Variants in BAIAP2L1 observed in about 807,000 individuals in gnomAD.
BAIAP2L1 encodes BAR/IMD domain-containing adapter protein 2-like 1.
Under a neutral mutation model 66.3 loss-of-function variants are expected in BAIAP2L1, and 35 were observed. That is an observed-to-expected ratio of 0.53 (90% CI 0.40 to 0.70). BAIAP2L1 has a LOEUF of 0.70. Ranked by LOEUF, BAIAP2L1 falls within the 30% of genes least tolerant of loss-of-function variation. The pLI is 0.00. For synonymous variants in BAIAP2L1, 269 were observed against 248.7 expected, an observed-to-expected ratio of 1.08 and a Z score of -0.77; for missense variants, 622 against 656.9, an observed-to-expected ratio of 0.95 and a Z score of 0.58.
Position 98,380,030 on chromosome 7 carries a change from G to A in BAIAP2L1, c.52-17598C>T, listed in dbSNP as rs544162115. Among the ~76,000 whole-genome samples the A allele has an allele frequency of 8.6e-5, 13 of 151,630 alleles. No individual in the cohort carries two copies. The South Asian group carries it at 2.1e-3, about 24-fold the overall frequency. On this transcript the variant is annotated intron_variant, in intron 1 of 13. Transcript: ENST00000005260. ...TTTACTAACAACCATTAAATTGTAC[G>A]CTTAAAATGCGTGAATTTTATAACG...
Position 98,315,484 on chromosome 7 carries a change from GT to G in BAIAP2L1, c.614del (p.Asn205ThrfsTer14). 2.0e-6 allele frequency: 3 copies of G among 1,500,576 alleles called. No individual in the cohort carries two copies. Among genetic ancestry groups the G allele is most frequent in the Non-Finnish European group, 2.7e-6 (3 of 1,119,790 alleles). 93.0% of individuals were successfully genotyped at this position (1,500,576 alleles called of 1,614,324 possible). On this transcript the variant is annotated frameshift_variant, in exon 7 of 14. Transcript: ENST00000005260. LOFTEE classifies it high-confidence loss of function. ...CCTGTAAGTGATAATAATGTATGTG[GT>G]TTGCAAAGCCACAGTGCTTATCAAC... ...FLVDKHCGFANHIHYYHLQSA... is the reference protein window; with the variant it reads ...FLVDKHCGFAXHIHYYHLQSA...
chr7:98,393,468 ACCTT>A (rs763005074), intron 1 of BAIAP2L1, among the ~76,000 whole-genome samples: 28 of 151,926 alleles, frequency 1.8e-4, no homozygotes, highest in Middle Eastern at 3.2e-3. Context: ...TAATGAAAAT[ACCTT>A]CCTTTTCTTT....
At chr7:98,351,355 G>A (rs770658649) in intron 3 of BAIAP2L1, among the ~76,000 whole-genome samples, 50 of 152,144 alleles carry the variant, frequency 3.3e-4, no homozygotes, top group Non-Finnish European at 2.2e-4. Context: ...CAGAGATGCC[G>A]ACGTGGGGGC....
chr7:98,310,613 G>A (rs1399103226), intron 8 of BAIAP2L1, 21 bp from the exon 9 acceptor site: 1 of 1,545,758 alleles, frequency 6.5e-7, no homozygotes, highest in Non-Finnish European at 8.7e-7. Context: ...TTCTTTATTA[G>A]TCCAATATTA....
chr7:98,317,233 G>A lies in BAIAP2L1; in HGVS notation c.472C>T (p.His158Tyr). ...GAAAAGCTCACCTCAATTTCTTTGT[G>A]TTCATATTTGAGTGCGTTTCGGCTT... ...QGSRNALKYE[H>Y]KEIEYVETVT... The change falls in exon 6 of 14, where the codon CAC becomes TAC. Residue 158 changes from histidine (H) to tyrosine (Y), a missense_variant. Coordinates refer to ENST00000005260, the MANE Select transcript of BAIAP2L1 (RefSeq NM_018842.5). 1 of 1,614,182 alleles carries A rather than the reference G, an allele frequency of 6.2e-7. No homozygotes were observed. Among genetic ancestry groups the A allele is most frequent in the South Asian group, 1.1e-5 (1 of 91,080 alleles).
intron 5 of BAIAP2L1, 60 bp downstream of exon 5, chr7:98,319,997 CT>C: frequency 7.3e-7 from 1 of 1,378,322 alleles, no homozygotes; most frequent in East Asian, 2.3e-5. Flanking sequence ...GGAACGAGTT[CT>C]CCCCAGGCTG....
intron 1 of BAIAP2L1, among the ~76,000 whole-genome samples, chr7:98,399,494 A>G (rs1256215171): frequency 6.6e-6 from 1 of 152,186 alleles, no homozygotes; most frequent in African/African-American, 2.4e-5. Context: ...AAATGACTAA[A>G]CTTCCTGATT....
intron 5 of BAIAP2L1, 88 bp from the exon 6 acceptor site, chr7:98,317,444 G>A: frequency 6.6e-7 from 1 of 1,509,330 alleles, no homozygotes; most frequent in Non-Finnish European, 9.0e-7. Context: ...CACTGTGTGT[G>A]GCTCAACGGG....
intron 3 of BAIAP2L1, among the ~76,000 whole-genome samples, chr7:98,336,629 A>T (rs930941864): frequency 3.3e-5 from 5 of 152,224 alleles, no homozygotes; most frequent in African/African-American, 1.2e-4. Context: ...AAAATAAAAT[A>T]AAATAAATGC....
At chr7:98,325,815 C>T (rs945981400) in intron 3 of BAIAP2L1, among the ~76,000 whole-genome samples, 3 of 152,222 alleles carry the variant, frequency 2.0e-5, no homozygotes, top group South Asian at 2.1e-4. Context: ...AGCACACACA[C>T]GGGATGCATT....
In BAIAP2L1 at chr7:98,317,243, G is replaced by C; in HGVS notation, c.462C>G (p.Leu154=). 3 of 1,614,234 alleles carry C rather than the reference G, an allele frequency of 1.9e-6. No individual in the cohort carries two copies. Among genetic ancestry groups the C allele is most frequent in the Non-Finnish European group, 2.5e-6 (3 of 1,180,048 alleles). Residue 154 remains leucine, a synonymous_variant, in exon 6 of 14, where the codon CTC becomes CTG. Coordinates refer to ENST00000005260, the MANE Select transcript of BAIAP2L1 (RefSeq NM_018842.5). The part of the protein sequence containing the change: ...RRKSQGSRNA[L]KYEHKEIEYV... ...CCTCAATTTCTTTGTGTTCATATTT[G>C]AGTGCGTTTCGGCTTCCTTGGCTTT...
chr7:98,341,246 C>G (rs896412316), intron 3 of BAIAP2L1, among the ~76,000 whole-genome samples: 2 of 152,160 alleles, frequency 1.3e-5, no homozygotes, highest in African/African-American at 4.8e-5. Flanking sequence ...GTGATTACAG[C>G]TGAGAAAAAT....
At chr7:98,338,479 C>T (rs1423363514) in intron 3 of BAIAP2L1, among the ~76,000 whole-genome samples, 1 of 151,534 alleles carries the variant, frequency 6.6e-6, no homozygotes, top group East Asian at 1.9e-4. Flanking sequence ...TCCCCTTTCT[C>T]GCATGAAGCC....
At chr7:98,349,855 G>A (rs555195901) in intron 3 of BAIAP2L1, among the ~76,000 whole-genome samples, 2 of 152,054 alleles carry the variant, frequency 1.3e-5, no homozygotes, top group Non-Finnish European at 2.9e-5. Context: ...TTGGGAGTTC[G>A]AGACCAGCCT....
chr7:98,293,259 GT>G lies in BAIAP2L1; in HGVS notation c.*261del, dbSNP rs1800045107. 1 of 386,490 alleles carries G rather than the reference GT, an allele frequency of 2.6e-6. No homozygotes were observed. Among genetic ancestry groups the G allele is most frequent in the African/African-American group, 2.0e-5 (1 of 48,836 alleles). The allele number at this position is 386,490 out of a possible 1,614,324, so 23.9% of individuals were successfully genotyped here. A position where few individuals can be genotyped will look rare whatever the true frequency, so the allele number is the denominator to read the frequency against. ...AAAATACAGTAAAGATTGAAACCAA[GT>G]TTACTGTTTCTTGAACAGAATAGGA... On this transcript the variant is annotated 3_prime_UTR_variant, in exon 14 of 14. Transcript: ENST00000005260.
intron 11 of BAIAP2L1, among the ~76,000 whole-genome samples, chr7:98,306,129 T>C (rs1220108305): frequency 3.3e-5 from 5 of 152,030 alleles, no homozygotes; most frequent in Non-Finnish European, 5.9e-5. Context: ...AAGATAAGTG[T>C]AAGATAAGGA....
At chr7:98,300,674 C>T (rs1375657580) in intron 12 of BAIAP2L1, among the ~76,000 whole-genome samples, 1 of 152,068 alleles carries the variant, frequency 6.6e-6, no homozygotes, top group East Asian at 1.9e-4. Flanking sequence ...CCAGCACAGG[C>T]ACTGCTCAGG....
At chr7:98,311,526 G>C (rs1158234158) in intron 8 of BAIAP2L1, among the ~76,000 whole-genome samples, 1 of 151,602 alleles carries the variant, frequency 6.6e-6, no homozygotes, top group Non-Finnish European at 1.5e-5. Flanking sequence ...GAGTGACAGA[G>C]CAAGACTGTG....
At chr7:98,361,456 A>T (rs1007211643) in intron 2 of BAIAP2L1, among the ~76,000 whole-genome samples, 2 of 152,142 alleles carry the variant, frequency 1.3e-5, no homozygotes, top group Non-Finnish European at 2.9e-5. Context: ...ATTTCTACTT[A>T]TGTTACTTGG....
Sources: allele counts gnomAD v4.1 joint callset (sites outside exome capture counted in the v4.1 genomes callset), GRCh38; gene constraint gnomAD v4.1.1; transcripts MANE v1.5; gene names NCBI Gene and HGNC (gene_info 2026-07-23, HGNC 2026-07-21).